Variants in RRAGD observed in about 807,000 individuals in gnomAD.
The protein encoded by RRAGD is ras-related GTP-binding protein D.
RRAGD carries 12 observed loss-of-function variants against 35.5 expected under a neutral mutation model. The observed-to-expected ratio is 0.34, with a 90% confidence interval of 0.22 to 0.55. The LOEUF (loss-of-function observed/expected upper bound fraction) is 0.55. RRAGD is among the 20% of genes least tolerant of loss of function. The probability of loss-of-function intolerance (pLI) is 0.91; values close to 1 mark genes in which losing one functional copy is unlikely to be tolerated. For synonymous variants in RRAGD, 155 were observed against 178.9 expected (o/e 0.87, Z 1.07); for missense variants, 324 against 490.1 (o/e 0.66, Z 3.20).
chr6:89,375,779 A>C (rs917759536), intron 5 of RRAGD, among the ~76,000 whole-genome samples: 1 of 152,228 alleles, frequency 6.6e-6, no homozygotes, highest in Admixed American at 6.5e-5. Flanking sequence ...GTTCTTACTG[A>C]ATCCTGTGGG....
At chr6:89,377,648 GC>G in intron 5 of RRAGD, 22 bp downstream of exon 5, 1 of 1,519,576 alleles carries the variant, frequency 6.6e-7, no homozygotes, top group East Asian at 2.4e-5. Context: ...CTTGATTGTG[GC>G]CTTTAAGAAT....
chr6:89,402,324 G>C (rs545390482), intron 1 of RRAGD, among the ~76,000 whole-genome samples: 16 of 152,212 alleles, frequency 1.1e-4, no homozygotes, highest in African/African-American at 3.9e-4. Flanking sequence ...GGGATTACAG[G>C]CATGAGCCAC....
intron 1 of RRAGD, among the ~76,000 whole-genome samples, chr6:89,404,759 A>T (rs1769544958): frequency 2.0e-5 from 3 of 152,212 alleles, no homozygotes; most frequent in Admixed American, 2.0e-4. Flanking sequence ...CCTCGAGTAC[A>T]ACAGGGCTGC....
chr6:89,391,634 T>C (rs1381861731), intron 1 of RRAGD, among the ~76,000 whole-genome samples: 1 of 152,098 alleles, frequency 6.6e-6, no homozygotes, highest in Non-Finnish European at 1.5e-5. Context: ...TTAACTGGTA[T>C]GTAGTTTCTT....
At chr6:89,386,746 T>C (rs1769142394) in intron 2 of RRAGD, among the ~76,000 whole-genome samples, 1 of 152,184 alleles carries the variant, frequency 6.6e-6, no homozygotes, top group Non-Finnish European at 1.5e-5. Context: ...TATTCAAGCA[T>C]GGATATATGA....
At chr6:89,390,204 T>G (rs1769205753) in intron 1 of RRAGD, among the ~76,000 whole-genome samples, 1 of 152,028 alleles carries the variant, frequency 6.6e-6, no homozygotes, top group Non-Finnish European at 1.5e-5. Flanking sequence ...TAAACTGGAC[T>G]TCATCAAAAA....
intron 2 of RRAGD, among the ~76,000 whole-genome samples, chr6:89,386,948 T>C (rs1769146460): frequency 6.6e-6 from 1 of 152,230 alleles, no homozygotes; most frequent in Non-Finnish European, 1.5e-5. Context: ...CAGTTTAAAA[T>C]GTAAATTTAT....
chr6:89,371,111 C>A (rs1694446792), intron 6 of RRAGD, among the ~76,000 whole-genome samples: 1 of 149,998 alleles, frequency 6.7e-6, no homozygotes, highest in Non-Finnish European at 1.5e-5. Flanking sequence ...CTATATTAGA[C>A]AATATGGCCC....
At chr6:89,389,207 A>T (rs2127891517) in intron 1 of RRAGD, among the ~76,000 whole-genome samples, 2 of 152,196 alleles carry the variant, frequency 1.3e-5, no homozygotes, top group Middle Eastern at 3.4e-3. Context: ...ACAAAAATTC[A>T]ATCTTAAAAT....
intron 6 of RRAGD, among the ~76,000 whole-genome samples, chr6:89,370,767 A>C (rs1214873690): frequency 6.6e-6 from 1 of 152,196 alleles, no homozygotes; most frequent in African/African-American, 2.4e-5. Context: ...GTAATAATTT[A>C]AGTGAAGGTT....
chr6:89,368,247 A>T (rs772361455), intron 6 of RRAGD, 40 bp from the exon 7 acceptor site: 2 of 1,587,892 alleles, frequency 1.3e-6, no homozygotes, highest in East Asian at 4.5e-5. Flanking sequence ...TGTCACGTAG[A>T]AATAATCTCC....
chr6:89,406,235 T>C (rs1436361983), intron 1 of RRAGD, among the ~76,000 whole-genome samples: 2 of 151,904 alleles, frequency 1.3e-5, no homozygotes, highest in East Asian at 1.9e-4. Context: ...TTAAACGGTA[T>C]GGAAGGGAGA....
Position 89,387,445 on chromosome 6 carries a change from A to C in RRAGD, c.294T>G (p.Asn98Lys). The C allele has an allele frequency of 6.2e-7, 1 of 1,614,236 alleles. No individual in the cohort carries two copies. The highest frequency in any genetic ancestry group is 2.2e-5 in the East Asian group (1 of 44,880). Residue 98 changes from asparagine (N) to lysine (K), a missense_variant, in exon 2 of 7, where the codon AAT becomes AAG. Physicochemically the swap from Asn to Lys is moderately conservative, Grantham distance 94 (BLOSUM62 0). Coordinates refer to ENST00000369415, the MANE Select transcript of RRAGD (RefSeq NM_021244.5). ...PNETLFLESTNKICREDVSNS... is the reference protein window; with the variant it reads ...PNETLFLESTKKICREDVSNS... ...TGGAAACATCTTCCCGGCATATCTT[A>C]TTAGTGCTCTCCAAGAACAGAGTTT...
At position 89,412,026 on chromosome 6, in the gene RRAGD, G is replaced by T. The variant is rs1414114238; in HGVS notation, c.-33C>A. 4 of 1,514,988 alleles carry T rather than the reference G, an allele frequency of 2.6e-6. No individual in the cohort carries two copies. The African/African-American group carries it at 4.2e-5, about 16-fold the overall frequency. The allele number at this position is 1,514,988 out of a possible 1,614,324, so 93.8% of individuals were successfully genotyped here. ...ACCGGCCGGCCGGCCCGGGGACGGC[G>T]GGGGTCCCGGGGTGGGGGCCAAGCC... On this transcript the variant is annotated 5_prime_UTR_variant, in exon 1 of 7. Coordinates refer to ENST00000369415, the MANE Select transcript of RRAGD (RefSeq NM_021244.5). The surrounding 1 kb of genome is among the most constrained non-coding windows in gnomAD (Gnocchi z 4.2).
At chr6:89,375,746 C>T (rs1441556320) in intron 5 of RRAGD, among the ~76,000 whole-genome samples, 1 of 152,242 alleles carries the variant, frequency 6.6e-6, no homozygotes, top group African/African-American at 2.4e-5. Context: ...CCAGAGCCCA[C>T]AAACCATCTG....
At chr6:89,407,059 A>C (rs1301857669) in intron 1 of RRAGD, among the ~76,000 whole-genome samples, 1 of 152,198 alleles carries the variant, frequency 6.6e-6, no homozygotes, top group Non-Finnish European at 1.5e-5. Context: ...ACTTTTTAAC[A>C]ATCACTTTGA....
chr6:89,368,391 T>C (rs1008152442), intron 6 of RRAGD, among the ~76,000 whole-genome samples, 184 bp from the exon 7 acceptor site: 1 of 152,214 alleles, frequency 6.6e-6, no homozygotes, highest in Admixed American at 6.5e-5. Flanking sequence ...TTAGGAATTA[T>C]AGGCAAAGTC....
chr6:89,389,976 C>T (rs924176034), intron 1 of RRAGD, among the ~76,000 whole-genome samples: 8 of 152,178 alleles, frequency 5.3e-5, no homozygotes, highest in African/African-American at 1.7e-4. Flanking sequence ...TGGATATCCA[C>T]ATGCAAAAGA....
intron 1 of RRAGD, among the ~76,000 whole-genome samples, chr6:89,406,069 G>C (rs1769572180): frequency 6.6e-6 from 1 of 152,154 alleles, no homozygotes; most frequent in Non-Finnish European, 1.5e-5. Flanking sequence ...CTTTTATTTA[G>C]CGTGAAAACT....
Sources: gnomAD v4.1 joint callset for allele counts (sites outside exome capture counted in the v4.1 genomes callset) on GRCh38, gnomAD v4.1.1 for gene constraint, Gnocchi (gnomAD v3.1) non-coding constraint, MANE v1.5 for transcripts, NCBI Gene and HGNC (gene_info 2026-07-23, HGNC 2026-07-21) for gene names.